The following TMCC1 variants were observed in gnomAD, a reference collection of about 807,000 sequenced individuals.
The protein encoded by TMCC1 is transmembrane and coiled-coil domain family 1.
A neutral mutation model predicts 52.4 loss-of-function variants in TMCC1; 15 were observed. That is an observed-to-expected ratio of 0.29 (90% CI 0.19 to 0.44). The LOEUF (loss-of-function observed/expected upper bound fraction) is 0.44. Among genes scored for constraint, TMCC1 ranks in the 20% least tolerant of loss-of-function variants. The pLI, the probability that TMCC1 is intolerant of heterozygous loss-of-function variation, is 1.00. For synonymous variants in TMCC1, 279 were observed against 301.9 expected (o/e 0.92, Z 0.79); for missense variants, 503 against 806.0 (o/e 0.62, Z 4.55).
chr3:129,775,889 T>C (rs1000442194), intron 4 of TMCC1, among the ~76,000 whole-genome samples: 7 of 152,210 alleles, frequency 4.6e-5, no homozygotes, highest in African/African-American at 1.4e-4. Context: ...TTTAAACCCA[T>C]TAAAGGTTTC....
intron 4 of TMCC1, among the ~76,000 whole-genome samples, chr3:129,797,345 G>GT (rs2056899471): frequency 6.7e-6 from 1 of 150,208 alleles, no homozygotes; most frequent in African/African-American, 2.4e-5. Flanking sequence ...AAAAAAACAC[G>GT]TATTTCATAA....
intron 2 of TMCC1, 78 bp from the exon 3 acceptor site, chr3:129,832,904 G>C (rs991416266): frequency 6.6e-6 from 1 of 152,176 alleles, no homozygotes; most frequent in Non-Finnish European, 1.5e-5. Flanking sequence ...TGCAGAAAAC[G>C]ACTGAAAGTA....
intron 4 of TMCC1, among the ~76,000 whole-genome samples, chr3:129,801,357 C>G (rs747227331): frequency 6.6e-6 from 1 of 152,090 alleles, no homozygotes; most frequent in Non-Finnish European, 1.5e-5. Context: ...AACTGCCACA[C>G]AGTACTCTAC....
At chr3:129,685,230 A>T (rs2089312255) in intron 4 of TMCC1, among the ~76,000 whole-genome samples, 1 of 152,062 alleles carries the variant, frequency 6.6e-6, no homozygotes, top group South Asian at 2.1e-4. Flanking sequence ...AAAGAAAAAA[A>T]TTAGCCAGGT....
At chr3:129,705,861 G>T (rs2048188176) in intron 4 of TMCC1, among the ~76,000 whole-genome samples, 1 of 150,210 alleles carries the variant, frequency 6.7e-6, no homozygotes, top group Non-Finnish European at 1.5e-5. Context: ...CAAAGTGCTG[G>T]GATTACAGGT....
intron 2 of TMCC1, among the ~76,000 whole-genome samples, chr3:129,865,640 G>C (rs1442482403): frequency 6.6e-6 from 1 of 152,096 alleles, no homozygotes; most frequent in Non-Finnish European, 1.5e-5. Flanking sequence ...GCACATAATA[G>C]ATGCTTAATA....
intron 2 of TMCC1, among the ~76,000 whole-genome samples, chr3:129,841,614 T>C (rs1026285117): frequency 1.3e-5 from 2 of 152,128 alleles, no homozygotes; most frequent in Non-Finnish European, 2.9e-5. Context: ...AAAATGTTCA[T>C]TGTATGTCAT....
chr3:129,879,547 T>A (rs755338803), intron 2 of TMCC1, among the ~76,000 whole-genome samples: 1 of 152,224 alleles, frequency 6.6e-6, no homozygotes, highest in African/African-American at 2.4e-5. Context: ...GATAAAAATC[T>A]TTCATGCAAA....
At chr3:129,704,125 A>G (rs2048040093) in intron 4 of TMCC1, among the ~76,000 whole-genome samples, 1 of 152,230 alleles carries the variant, frequency 6.6e-6, no homozygotes, top group Non-Finnish European at 1.5e-5. Context: ...CTATGTTTCC[A>G]TCCTAAGAGA....
chr3:129,834,421 C>G lies in TMCC1; in HGVS notation c.-183-1595G>C, dbSNP rs1017670808. 2.6e-5 allele frequency among the ~76,000 whole-genome samples: 4 copies of G among 152,230 alleles called. No individual in the cohort carries two copies. The East Asian group carries it at 7.7e-4, about 29-fold the overall frequency. On this transcript the variant is annotated intron_variant, in intron 2 of 6. Transcript: ENST00000393238. ...TAAACTGCACTTAGGTGAACATTAT[C>G]TCTAATCCTCACAACAACCCACAAG...
chr3:129,776,491 C>T (rs753282254), intron 4 of TMCC1, among the ~76,000 whole-genome samples: 4 of 152,022 alleles, frequency 2.6e-5, no homozygotes, highest in African/African-American at 4.8e-5. Flanking sequence ...AAAAGAGGGC[C>T]TAAGACAAAG....
intron 4 of TMCC1, among the ~76,000 whole-genome samples, chr3:129,777,831 G>A (rs1190291151): frequency 2.0e-5 from 3 of 152,084 alleles, no homozygotes; most frequent in Admixed American, 6.5e-5. Flanking sequence ...ACAAACAAAC[G>A]AAAAATGCCA....
In TMCC1 at chr3:129,848,843, T is replaced by C. The variant is rs2059784367; in HGVS notation, c.-183-16017A>G. ...TCTAATACTCCCTCCCCCACCTTCA[T>C]TCCTCTTATGACCTGACTTCCTACA... On this transcript the variant is annotated intron_variant, in intron 2 of 6. Transcript: ENST00000393238. Among the ~76,000 whole-genome samples, 5 of 150,966 alleles carry C rather than the reference T, an allele frequency of 3.3e-5. No homozygotes were observed. The South Asian group carries it at 1.1e-3, about 32-fold the overall frequency.
intron 2 of TMCC1, among the ~76,000 whole-genome samples, chr3:129,863,626 C>T (rs756638269): frequency 2.6e-5 from 4 of 152,166 alleles, no homozygotes; most frequent in Non-Finnish European, 5.9e-5. Flanking sequence ...CTTTGGGAGG[C>T]CGAGGCAGAC....
chr3:129,788,710 C>T (rs1197707978), intron 4 of TMCC1, among the ~76,000 whole-genome samples: 1 of 151,942 alleles, frequency 6.6e-6, no homozygotes, highest in Non-Finnish European at 1.5e-5. Flanking sequence ...CCTCGTGATC[C>T]GCCCGTCTTG....
chr3:129,666,334 G>GAATACTACCATATCTAAGCTC (rs1156402451), intron 5 of TMCC1, among the ~76,000 whole-genome samples: 1 of 152,200 alleles, frequency 6.6e-6, no homozygotes, highest in Non-Finnish European at 1.5e-5. Context: ...ACTCTAAGCT[G>GAATACTACCATATCTAAGCTC]AATACTACCA....
At chr3:129,776,807 TA>T (rs2055074961) in intron 4 of TMCC1, among the ~76,000 whole-genome samples, 2 of 152,266 alleles carry the variant, frequency 1.3e-5, no homozygotes, top group South Asian at 4.1e-4. Context: ...TTTTTATTTA[TA>T]TTTTTTTGTA....
chr3:129,828,332 C>T lies in TMCC1; in HGVS notation c.47G>A (p.Gly16Glu), dbSNP rs114855835. 1.2e-6 allele frequency: 2 copies of T among 1,614,002 alleles called. No homozygotes were observed. The highest frequency in any genetic ancestry group is 2.7e-5 in the African/African-American group (2 of 75,010). ...SEQLFEDPDP[G>E]GKSQDAEARK... Reference sequence around the variant, plus strand: ...GGCCTCTGCATCTTGGGATTTGCCTCCAGGATCAGGGTCCTCAAATAACTG... The same window carrying T: ...GGCCTCTGCATCTTGGGATTTGCCTTCAGGATCAGGGTCCTCAAATAACTG... The change falls in exon 4 of 7, where the codon GGA becomes GAA. Residue 16 changes from glycine (G) to glutamate (E), a missense_variant. This residue lies in a region of TMCC1 where 217 missense variants were observed against 297.9 expected (regional missense o/e 0.73). Coordinates refer to ENST00000393238, the MANE Select transcript of TMCC1 (RefSeq NM_001017395.5). This position sits in a 1 kb window ranked among gnomAD's most constrained non-coding sequence, Gnocchi z 4.1.
At chr3:129,695,638 C>A (rs1274519363) in intron 4 of TMCC1, among the ~76,000 whole-genome samples, 3 of 152,098 alleles carry the variant, frequency 2.0e-5, no homozygotes, top group African/African-American at 4.8e-5. Flanking sequence ...GGGTAACTGG[C>A]CCCGTGATTA....
Sources: allele counts gnomAD v4.1 joint callset (sites outside exome capture counted in the v4.1 genomes callset), GRCh38; gene constraint gnomAD v4.1.1; regional missense constraint gnomAD v4.1.1; non-coding constraint Gnocchi (gnomAD v3.1); transcripts MANE v1.5; gene names NCBI Gene and HGNC (gene_info 2026-07-23, HGNC 2026-07-21).